KCTD1: variants seen among roughly 807,000 people sequenced by gnomAD.
KCTD1 encodes the protein BTB/POZ domain-containing protein KCTD1.
KCTD1 carries 24 observed loss-of-function variants against 66.0 expected under a neutral mutation model. The ratio of observed to expected loss-of-function variants is 0.36; its 90% CI spans 0.26 to 0.51. The LOEUF is 0.51. Ranked by LOEUF, KCTD1 falls within the 20% of genes least tolerant of loss-of-function variation. The probability of loss-of-function intolerance (pLI) is 0.95; values close to 1 mark genes in which losing one functional copy is unlikely to be tolerated. For synonymous variants in KCTD1, 511 were observed against 517.2 expected, an observed-to-expected ratio of 0.99 and a Z score of 0.16; for missense variants, 943 against 1,205.2, an observed-to-expected ratio of 0.78 and a Z score of 3.22.
intron 3 of KCTD1, among the ~76,000 whole-genome samples, chr18:26,467,472 T>C (rs570694124): frequency 1.1e-3 from 164 of 152,274 alleles, no homozygotes; most frequent in Non-Finnish European, 1.9e-3. Context: ...GAGCTATGAT[T>C]GCACCACTGC....
Position 26,526,559 on chromosome 18 carries a change from T to A in KCTD1, c.1809+20169A>T, listed in dbSNP as rs571897351. On this transcript the variant is annotated intron_variant, in intron 1 of 4. Coordinates refer to ENST00000580059, the MANE Select transcript of KCTD1 (RefSeq NM_001142730.3). ...ACTGTCACTTGAGATGAGGCTGGAA[T>A]AGCCAAGAGAAAGATGCTAGGGAAA... Among the ~76,000 whole-genome samples the A allele has an allele frequency of 1.2e-4, 19 of 152,270 alleles. 1 individual carries two copies. The South Asian group carries it at 3.3e-3, about 27-fold the overall frequency.
intron 2 of KCTD1, among the ~76,000 whole-genome samples, chr18:26,499,607 T>C (rs1982650454): frequency 6.6e-6 from 1 of 152,232 alleles, no homozygotes; most frequent in Non-Finnish European, 1.5e-5. Context: ...TTTCATAAAT[T>C]ATCAAGTAAT....
chr18:26,601,289 T>G (rs1449862687), intron 1 of KCTD1, among the ~76,000 whole-genome samples: 1 of 144,152 alleles, frequency 6.9e-6, no homozygotes, highest in African/African-American at 2.6e-5. Flanking sequence ...GAGACCTGGA[T>G]TTTTATATTT....
At chr18:26,612,028 T>C (rs1189704768) in intron 1 of KCTD1, among the ~76,000 whole-genome samples, 1 of 152,220 alleles carries the variant, frequency 6.6e-6, no homozygotes, top group East Asian at 1.9e-4. Flanking sequence ...CCAATCTGGC[T>C]GGTAGGAACA....
At chr18:26,550,595 C>A (rs1432419971), upstream of KCTD1, among the ~76,000 whole-genome samples, 1 of 151,772 alleles carries the variant, frequency 6.6e-6, no homozygotes, top group Non-Finnish European at 1.5e-5. The surrounding 1 kb of genome is among the most constrained non-coding windows in gnomAD (Gnocchi z 5.4). Context: ...CACACACACA[C>A]ACACACACAC....
intron 1 of KCTD1, among the ~76,000 whole-genome samples, chr18:26,593,360 AGAGGAGGAG>A (rs551663896): frequency 1.1e-5 from 1 of 88,750 alleles, no homozygotes; most frequent in African/African-American, 4.4e-5. Flanking sequence ...AGGAGGAGGA[AGAGGAGGAG>A]GAGGAAGAGG....
intron 1 of KCTD1, among the ~76,000 whole-genome samples, chr18:26,625,093 C>T (rs1179002605): frequency 6.6e-6 from 1 of 152,186 alleles, no homozygotes; most frequent in Non-Finnish European, 1.5e-5. Flanking sequence ...AATGCCTGTA[C>T]CCTCATTGTA....
At chr18:26,654,361 GC>G (rs1461834863) in intron 1 of KCTD1, among the ~76,000 whole-genome samples, 2 of 152,006 alleles carry the variant, frequency 1.3e-5, no homozygotes, top group Non-Finnish European at 2.9e-5. Flanking sequence ...TACTTAAGTG[GC>G]ATAATTTGTA....
At chr18:26,614,195 G>A (rs12605047) in intron 1 of KCTD1, among the ~76,000 whole-genome samples, 44,269 of 152,082 alleles carry the variant, frequency 0.29, 7,423 homozygotes, top group East Asian at 0.52. Flanking sequence ...CTATATTCTA[G>A]CACGTAGATC....
At chr18:26,457,604 A>G (rs1049543703) in intron 4 of KCTD1, 3 of 152,242 alleles carry the variant, frequency 2.0e-5, no homozygotes, top group African/African-American at 4.8e-5. Context: ...TAATTATTCA[A>G]TGTGATCCAA....
At chr18:26,538,494 T>A (rs564901535) in intron 1 of KCTD1, among the ~76,000 whole-genome samples, 1 of 152,178 alleles carries the variant, frequency 6.6e-6, no homozygotes, top group South Asian at 2.1e-4. Flanking sequence ...GCAAAAGTGC[T>A]ACTGGCCAGA....
chr18:26,653,884 T>C lies in KCTD1; in HGVS notation c.9+3476A>G, dbSNP rs539646254. Among the ~76,000 whole-genome samples the C allele has an allele frequency of 3.4e-3, 513 of 152,334 alleles. 3 individuals are homozygous for C. Among genetic ancestry groups the C allele is most frequent in the African/African-American group, 0.012 (494 of 41,576 alleles). Reference sequence around the variant, plus strand: ...AATTTCACTTTTATTCCCAAGATAGTTCGTCCTAAAGATGGAGCAAATAAA... The same window carrying C: ...AATTTCACTTTTATTCCCAAGATAGCTCGTCCTAAAGATGGAGCAAATAAA... On this transcript the variant is annotated intron_variant, in intron 1 of 4. Transcript: ENST00000580191.
rs578080671 is a variant in KCTD1, at chr18:26,609,253, A to G, written c.-16+19894T>C. On this transcript the variant is annotated intron_variant, in intron 1 of 4. Transcript: ENST00000317932. ...ATATGAAAATCCCTTAGCATTAAAT[A>G]TTTAAGAAGAAAAAATTTTAATGAA... 1.2e-4 allele frequency among the ~76,000 whole-genome samples: 19 copies of G among 152,386 alleles called. No individual in the cohort carries two copies. In the East Asian group the frequency reaches 3.7e-3, roughly 29 times the overall value.
At chr18:26,572,472 A>T (rs374025389) in intron 1 of KCTD1, among the ~76,000 whole-genome samples, 5 of 152,220 alleles carry the variant, frequency 3.3e-5, no homozygotes, top group African/African-American at 1.2e-4. Context: ...ATCCGATTGT[A>T]ACAAGTTCTT....
At chr18:26,593,351 G>GGAAGAGGAGGAGGAGGAA (rs1986660271) in intron 1 of KCTD1, among the ~76,000 whole-genome samples, 1 of 43,926 alleles carries the variant, frequency 2.3e-5, no homozygotes, top group African/African-American at 5.3e-5. Flanking sequence ...AGGAAGAGGA[G>GGAAGAGGAGGAGGAGGAA]GAGGAGGAAG....
At chr18:26,460,379 G>C (rs955767500) in intron 3 of KCTD1, among the ~76,000 whole-genome samples, 3 of 152,304 alleles carry the variant, frequency 2.0e-5, no homozygotes, top group African/African-American at 2.4e-5. Flanking sequence ...ATTGACCAAG[G>C]GGAGGCATAA....
chr18:26,514,969 C>T (rs1177746056), intron 1 of KCTD1, among the ~76,000 whole-genome samples: 1 of 152,048 alleles, frequency 6.6e-6, no homozygotes, highest in Non-Finnish European at 1.5e-5. Context: ...TTGAATGAGC[C>T]CTAAAGACAG....
upstream of KCTD1, among the ~76,000 whole-genome samples, chr18:26,553,374 C>G (rs1239010771): frequency 1.3e-5 from 2 of 152,238 alleles, no homozygotes; most frequent in Admixed American, 6.5e-5. Context: ...AATAACTCCA[C>G]AGGAGCAGAA....
chr18:26,547,642 T>C lies in KCTD1; in HGVS notation c.895A>G (p.Ser299Gly). The change falls in exon 1 of 5, where the codon AGC becomes GGC. Residue 299 changes from serine (S) to glycine (G), a missense_variant. By Grantham distance (56) the Ser-to-Gly change is moderately conservative. Around this residue, in one of 10 missense-constraint regions of KCTD1, gnomAD observed 61 missense variants for 109.6 expected, o/e 0.56. Coordinates refer to ENST00000580059, the MANE Select transcript of KCTD1 (RefSeq NM_001142730.3). The part of the protein sequence containing the change: ...LRKLYTSSVF[S>G]TNTPFGLLNK... ...AGCAGCCCGAAGGGCGTGTTGGTGC[T>C]GAAGACGCTGGAGGTGTACAGCTTG... is the stretch of plus-strand genomic sequence containing the variant. The C allele has an allele frequency of 6.4e-7, 1 of 1,551,628 alleles. No individual in the cohort carries two copies. The highest frequency in any genetic ancestry group is 8.7e-7 in the Non-Finnish European group (1 of 1,146,960).
Sources: gnomAD v4.1 joint callset for allele counts (sites outside exome capture counted in the v4.1 genomes callset) on GRCh38, gnomAD v4.1.1 for gene constraint, gnomAD v4.1.1 regional missense constraint, Gnocchi (gnomAD v3.1) non-coding constraint, MANE v1.5 for transcripts, NCBI Gene and HGNC (gene_info 2026-07-23, HGNC 2026-07-21) for gene names.